RALYL: variants seen among roughly 807,000 people sequenced by gnomAD.
RALYL encodes RNA-binding Raly-like protein.
Under a neutral mutation model 35.1 loss-of-function variants are expected in RALYL, and 29 were observed. The ratio of observed to expected loss-of-function variants is 0.83; its 90% CI spans 0.61 to 1.13. The LOEUF (loss-of-function observed/expected upper bound fraction) is 1.13, where lower values mean the gene tolerates loss of function less well. Ranked by LOEUF, RALYL falls within the 50% of genes most tolerant of loss-of-function variation. The pLI is 0.00. For synonymous variants in RALYL, 120 were observed against 127.6 expected (o/e 0.94, Z 0.40); for missense variants, 359 against 360.4 (o/e 1.00, Z 0.03).
In RALYL at chr8:84,390,509, A is replaced by T. The variant is rs183567514; in HGVS notation, c.-23-138790A>T. Among the ~76,000 whole-genome samples, 315 of 152,140 alleles carry T rather than the reference A, an allele frequency of 2.1e-3. 1 individual carries two copies. The highest frequency in any genetic ancestry group is 6.6e-3 in the African/African-American group (273 of 41,538). On this transcript the variant is annotated intron_variant, in intron 1 of 8. Coordinates refer to ENST00000521268, the MANE Select transcript of RALYL (RefSeq NM_173848.7). The stretch of plus-strand genomic sequence containing the variant: ...TGTTGGTAAGGTATTGATTATTGCC[A>T]CAATTTCAGAGCCTGTTATTGGTCT...
chr8:84,911,684 C>G (rs907563181), intron 8 of RALYL, among the ~76,000 whole-genome samples: 13 of 152,112 alleles, frequency 8.5e-5, no homozygotes, highest in Admixed American at 6.6e-4. Flanking sequence ...CCCACTCCCC[C>G]ATTTCATGTA....
At chr8:84,817,565 ATTTCT>A (rs759804888) in intron 4 of RALYL, among the ~76,000 whole-genome samples, 3 of 136,820 alleles carry the variant, frequency 2.2e-5, no homozygotes, top group Admixed American at 2.1e-4. Flanking sequence ...ATTATTATTA[ATTTCT>A]TTTGAGACAG....
intron 8 of RALYL, among the ~76,000 whole-genome samples, chr8:84,908,312 C>T (rs140421223): frequency 6.6e-6 from 1 of 152,216 alleles, no homozygotes; most frequent in East Asian, 1.9e-4. Flanking sequence ...AAAACTTACT[C>T]CTCCTCTCTA....
rs1293072279 is a variant in RALYL at position 84,920,912 on chromosome 8, T to C, written c.*1T>C. 2 of 1,439,396 alleles carry C rather than the reference T, an allele frequency of 1.4e-6. No individual in the cohort carries two copies. Among genetic ancestry groups the C allele is most frequent in the Admixed American group, 2.6e-5 (1 of 38,214 alleles). The allele number at this position is 1,439,396 out of a possible 1,614,324, so 89.2% of individuals were successfully genotyped here. ...TTCTCAGTTTCTACAGATAAAGTGA[T>C]CTGAAATAACGCATGATGCCACAAA... On this transcript the variant is annotated 3_prime_UTR_variant, in exon 9 of 9. Transcript: ENST00000521268.
At chr8:84,378,753 T>C (rs1857399470) in intron 1 of RALYL, among the ~76,000 whole-genome samples, 1 of 151,888 alleles carries the variant, frequency 6.6e-6, no homozygotes, top group African/African-American at 2.4e-5. Flanking sequence ...ACTTTTTTTT[T>C]CACTTATCTC....
intron 2 of RALYL, among the ~76,000 whole-genome samples, chr8:84,670,572 G>A (rs992518259): frequency 2.6e-5 from 4 of 152,190 alleles, no homozygotes; most frequent in African/African-American, 4.8e-5. Context: ...TAGCTGGGAA[G>A]GCCTCACAAT....
chr8:84,440,396 G>A (rs1587285831), intron 1 of RALYL, among the ~76,000 whole-genome samples: 1 of 152,018 alleles, frequency 6.6e-6, no homozygotes, highest in African/African-American at 2.4e-5. Context: ...TAAAACTTCA[G>A]TGGCTTCTGC....
chr8:84,824,055 A>T (rs946245010), intron 4 of RALYL, among the ~76,000 whole-genome samples: 2 of 152,120 alleles, frequency 1.3e-5, no homozygotes, highest in Non-Finnish European at 1.5e-5. Context: ...TACATATGGG[A>T]AAATAAACTA....
intron 3 of RALYL, among the ~76,000 whole-genome samples, chr8:84,802,606 GA>G (rs773619085): frequency 1.3e-4 from 20 of 151,744 alleles, no homozygotes; most frequent in Admixed American, 2.6e-4. Flanking sequence ...CAAAAAAAAA[GA>G]GAGAGAGAGA....
rs1835891522 is a variant in RALYL at position 84,851,667 on chromosome 8, C to T, written c.413+1640C>T. Among the ~76,000 whole-genome samples, 2 of 152,148 alleles carry T rather than the reference C, an allele frequency of 1.3e-5. 1 individual carries two copies. The highest frequency in any genetic ancestry group is 4.1e-4 in the South Asian group (2 of 4,826). Reference sequence around the variant, plus strand: ...TTCTCTCTGCTCCAGCCTCTAGGGCCTTTTGTAAGTTCCACAAGAATTCCA... The same window carrying T: ...TTCTCTCTGCTCCAGCCTCTAGGGCTTTTTGTAAGTTCCACAAGAATTCCA... On this transcript the variant is annotated intron_variant, in intron 5 of 8. Transcript: ENST00000521268.
At chr8:84,227,116 A>C (rs1824100987) in intron 1 of RALYL, among the ~76,000 whole-genome samples, 1 of 124,036 alleles carries the variant, frequency 8.1e-6, no homozygotes, top group South Asian at 2.5e-4. Flanking sequence ...ACTGGAGTGC[A>C]ATGGCATGAT....
At chr8:84,591,834 CTT>C (rs991669791) in intron 2 of RALYL, among the ~76,000 whole-genome samples, 1 of 152,116 alleles carries the variant, frequency 6.6e-6, no homozygotes, top group African/African-American at 2.4e-5. Flanking sequence ...GTCGAAGTGA[CTT>C]TGAAACTATA....
chr8:84,607,998 AT>A (rs1300212205), intron 2 of RALYL, among the ~76,000 whole-genome samples: 1 of 151,874 alleles, frequency 6.6e-6, no homozygotes, highest in African/African-American at 2.4e-5. Context: ...TACTCAGTCA[AT>A]TGCTGTGAAG....
At chr8:84,871,859 C>T (rs6473565) in intron 6 of RALYL, among the ~76,000 whole-genome samples, 140,407 of 152,286 alleles carry the variant, frequency 0.92, 64,858 homozygotes, top group African/African-American at 0.98. Context: ...TGATCCATAA[C>T]ATATCATGTA....
intron 1 of RALYL, among the ~76,000 whole-genome samples, chr8:84,335,278 G>C (rs1301274822): frequency 1.3e-5 from 2 of 152,104 alleles, no homozygotes; most frequent in African/African-American, 4.8e-5. Flanking sequence ...TGTGATGGGT[G>C]CATATCCATC....
At chr8:84,660,668 T>C (rs1018536944) in intron 2 of RALYL, among the ~76,000 whole-genome samples, 21 of 151,964 alleles carry the variant, frequency 1.4e-4, no homozygotes, top group Admixed American at 7.2e-4. Context: ...AACTTAAAGA[T>C]ACCTTTTGAG....
chr8:84,895,306 T>C (rs1316746686), intron 8 of RALYL, among the ~76,000 whole-genome samples: 1 of 151,546 alleles, frequency 6.6e-6, no homozygotes, highest in African/African-American at 2.4e-5. Flanking sequence ...TGTCCTGCAA[T>C]TGACCTAGTC....
At chr8:84,915,356 T>C (rs960909856) in intron 8 of RALYL, among the ~76,000 whole-genome samples, 2 of 152,058 alleles carry the variant, frequency 1.3e-5, no homozygotes, top group Non-Finnish European at 2.9e-5. Context: ...TACTCTCTCT[T>C]GCCATCTTAG....
intron 2 of RALYL, among the ~76,000 whole-genome samples, chr8:84,654,302 T>TACAC: frequency 7.8e-6 from 1 of 129,006 alleles, no homozygotes; most frequent in African/African-American, 2.8e-5. Context: ...TATATATATA[T>TACAC]ATATATATAT....
Sources: gnomAD v4.1 joint callset for allele counts (sites outside exome capture counted in the v4.1 genomes callset) on GRCh38, gnomAD v4.1.1 for gene constraint, MANE v1.5 for transcripts, NCBI Gene and HGNC (gene_info 2026-07-23, HGNC 2026-07-21) for gene names.